Variants in ELP4 observed in about 807,000 individuals in gnomAD.
The protein encoded by ELP4 is elongator acetyltransferase complex subunit 4.
A neutral mutation model predicts 48.9 loss-of-function variants in ELP4; 51 were observed. The ratio of observed to expected loss-of-function variants is 1.04; its 90% confidence interval spans 0.83 to 1.32. The LOEUF is 1.32. Among genes scored for constraint, ELP4 ranks in the 40% most tolerant of loss-of-function variants. The pLI, the probability that ELP4 is intolerant of heterozygous loss-of-function variation, is 0.00. For missense variants in ELP4, 519 were observed against 514.6 expected (o/e 1.01, Z -0.08); for synonymous variants, 210 against 189.2 (o/e 1.11, Z -0.90).
chr11:31,717,137 A>C (rs1592249127), intron 9 of ELP4, among the ~76,000 whole-genome samples: 1 of 152,230 alleles, frequency 6.6e-6, no homozygotes, highest in Admixed American at 6.5e-5. Context: ...AATCATAGAT[A>C]AATGAAGGAA....
At chr11:31,635,995 A>G (rs886529183) in intron 7 of ELP4, among the ~76,000 whole-genome samples, 4 of 151,976 alleles carry the variant, frequency 2.6e-5, no homozygotes, top group African/African-American at 9.7e-5. Context: ...AACATCATTC[A>G]TCAACTTCCT....
intron 3 of ELP4, among the ~76,000 whole-genome samples, chr11:31,549,676 A>G (rs1255001651): frequency 6.6e-6 from 1 of 152,178 alleles, no homozygotes; most frequent in Admixed American, 6.5e-5. Context: ...TGCTATAAAG[A>G]CACATGTACA....
chr11:31,787,697 C>A lies in ELP4; in HGVS notation c.*4173C>A, dbSNP rs1298316561. On this transcript the variant is annotated 3_prime_UTR_variant, in exon 10 of 10. Transcript: ENST00000640961. Reference sequence around the variant, plus strand: ...CTGAACAAAACTACATGCACACATACAAAAACTGCAACTTAGGAAGGTGTC... The same window carrying A: ...CTGAACAAAACTACATGCACACATAAAAAAACTGCAACTTAGGAAGGTGTC... 1 of 230,488 alleles carries A rather than the reference C, an allele frequency of 4.3e-6. No homozygotes were observed. Among genetic ancestry groups the A allele is most frequent in the Non-Finnish European group, 8.6e-6 (1 of 116,386 alleles). The allele number at this position is 230,488 out of a possible 1,614,324, so 14.3% of individuals were successfully genotyped here.
intron 9 of ELP4, among the ~76,000 whole-genome samples, chr11:31,700,236 G>GA (rs1461327408): frequency 6.6e-6 from 1 of 151,314 alleles, no homozygotes; most frequent in Non-Finnish European, 1.5e-5. Flanking sequence ...TAAAAAAAAA[G>GA]AAAAATGGAG....
At chr11:31,757,237 T>G (rs1393543614) in intron 9 of ELP4, among the ~76,000 whole-genome samples, 3 of 152,208 alleles carry the variant, frequency 2.0e-5, no homozygotes, top group Non-Finnish European at 4.4e-5. Context: ...AGGGGTTAAA[T>G]AAATTAGCCC....
intron 7 of ELP4, among the ~76,000 whole-genome samples, chr11:31,638,850 A>G (rs867039766): frequency 2.0e-5 from 3 of 151,892 alleles, no homozygotes; most frequent in Non-Finnish European, 2.9e-5. Flanking sequence ...GTGGACTCCA[A>G]TGGCCTTGTG....
intron 3 of ELP4, among the ~76,000 whole-genome samples, chr11:31,592,494 G>A (rs1957598261): frequency 6.7e-6 from 1 of 149,634 alleles, no homozygotes; most frequent in South Asian, 2.1e-4. Flanking sequence ...ATATATATAT[G>A]TGTGTATATA....
At chr11:31,647,629 T>G in intron 7 of ELP4, 112 bp from the exon 8 acceptor site, 1 of 656,886 alleles carries the variant, frequency 1.5e-6, no homozygotes, top group Non-Finnish European at 2.7e-6. Flanking sequence ...TATTTCACTG[T>G]TGATAGTCTA....
intron 5 of ELP4, among the ~76,000 whole-genome samples, chr11:31,620,061 T>G (rs1172650566): frequency 6.6e-6 from 1 of 151,938 alleles, no homozygotes; most frequent in African/African-American, 2.4e-5. Flanking sequence ...TATTGGAGGT[T>G]TCAACAAAAA....
At chr11:31,693,935 T>C (rs919670277) in intron 9 of ELP4, among the ~76,000 whole-genome samples, 5 of 152,376 alleles carry the variant, frequency 3.3e-5, no homozygotes, top group African/African-American at 9.6e-5. Flanking sequence ...TTTTCTCATG[T>C]GTCTTTTGGC....
At chr11:31,585,921 C>T (rs888574885) in intron 3 of ELP4, among the ~76,000 whole-genome samples, 1 of 151,970 alleles carries the variant, frequency 6.6e-6, no homozygotes, top group Non-Finnish European at 1.5e-5. Flanking sequence ...CCTGTCTCTA[C>T]AAAAAATTTA....
At chr11:31,546,010 G>A (rs991830079) in intron 3 of ELP4, among the ~76,000 whole-genome samples, 49 of 151,968 alleles carry the variant, frequency 3.2e-4, no homozygotes, top group African/African-American at 1.1e-3. Context: ...GGAACAACCG[G>A]TACCAGCTGC....
intron 9 of ELP4, among the ~76,000 whole-genome samples, chr11:31,682,263 G>T (rs572240131): frequency 3.9e-5 from 6 of 152,134 alleles, no homozygotes. Flanking sequence ...GATTACTCAA[G>T]GCTGTAATAT....
chr11:31,778,045 TTA>T (rs1948286798), intron 9 of ELP4, among the ~76,000 whole-genome samples: 1 of 152,166 alleles, frequency 6.6e-6, no homozygotes, highest in Non-Finnish European at 1.5e-5. Context: ...TTCCTCCCCA[TTA>T]TATAAAGGGG....
chr11:31,703,900 A>G (rs1000194647), intron 9 of ELP4, among the ~76,000 whole-genome samples: 2 of 152,230 alleles, frequency 1.3e-5, no homozygotes, highest in Non-Finnish European at 2.9e-5. Context: ...ACTGGTAAAC[A>G]TTTCAACTTG....
intron 3 of ELP4, among the ~76,000 whole-genome samples, chr11:31,560,915 T>A (rs917572852): frequency 2.6e-5 from 4 of 152,004 alleles, no homozygotes; most frequent in Non-Finnish European, 5.9e-5. Flanking sequence ...TCTACATTAA[T>A]AGGCTGTACA....
intron 5 of ELP4, among the ~76,000 whole-genome samples, chr11:31,604,933 A>G (rs1474081613): frequency 6.6e-6 from 1 of 152,038 alleles, no homozygotes; most frequent in Non-Finnish European, 1.5e-5. Context: ...TACATTTGTT[A>G]TCTTCTATAA....
chr11:31,568,628 A>G lies in ELP4; in HGVS notation c.382-26142A>G, dbSNP rs182060939. On this transcript the variant is annotated intron_variant, in intron 3 of 9. Transcript: ENST00000640961. ...AGAGAACCCAGAAATAAAGCCATAC[A>G]CTGACAATCATCTGATCTTTGACAA... Among the ~76,000 whole-genome samples, 335 of 152,310 alleles carry G rather than the reference A, an allele frequency of 2.2e-3. 1 individual carries two copies. Among genetic ancestry groups the G allele is most frequent in the Middle Eastern group, 0.01 (3 of 294 alleles).
intron 7 of ELP4, among the ~76,000 whole-genome samples, chr11:31,638,310 A>G (rs1945022845): frequency 4.0e-5 from 6 of 151,882 alleles, no homozygotes; most frequent in Admixed American, 3.9e-4. Context: ...AGAGAACAGT[A>G]GTTGGTAAAC....
Sources: gnomAD v4.1 joint callset for allele counts (sites outside exome capture counted in the v4.1 genomes callset) on GRCh38, gnomAD v4.1.1 for gene constraint, MANE v1.5 for transcripts, NCBI Gene and HGNC (gene_info 2026-07-23, HGNC 2026-07-21) for gene names.